ARL6IP6: variants seen among roughly 807,000 people sequenced by gnomAD.
The protein encoded by ARL6IP6 is ARF like GTPase 6 interacting protein 6.
ARL6IP6 carries 22 observed loss-of-function variants against 21.5 expected under a neutral mutation model. That is an observed-to-expected ratio of 1.02 (90% CI 0.73 to 1.46). The LOEUF is 1.46. ARL6IP6 is among the 40% of genes most tolerant of loss of function. The pLI is 0.00. For missense variants in ARL6IP6, 388 were observed against 299.8 expected (o/e 1.29, Z -2.17); for synonymous variants, 164 against 125.3 (o/e 1.31, Z -2.06).
chr2:152,739,605 C>T (rs1574045071), intron 3 of ARL6IP6, among the ~76,000 whole-genome samples: 1 of 152,192 alleles, frequency 6.6e-6, no homozygotes, highest in African/African-American at 2.4e-5. Context: ...TTCCTGTCTT[C>T]TTCTGCACCC....
upstream of ARL6IP6, chr2:152,718,366 G>A: frequency 2.4e-6 from 1 of 411,990 alleles, no homozygotes; most frequent in Non-Finnish European, 4.1e-6. Context: ...TTCGGCCTCC[G>A]CTCGCTTCTC....
intron 2 of ARL6IP6, among the ~76,000 whole-genome samples, chr2:152,724,910 A>C (rs909134624): frequency 1.3e-5 from 2 of 152,108 alleles, no homozygotes; most frequent in African/African-American, 4.8e-5. Context: ...AAAAAAAAGC[A>C]AAAAAACGAA....
chr2:152,756,515 T>C (rs1274578868), intron 3 of ARL6IP6, among the ~76,000 whole-genome samples: 1 of 152,038 alleles, frequency 6.6e-6, no homozygotes, highest in East Asian at 1.9e-4. Context: ...AAAGATCTTA[T>C]TAAGAGAGTA....
chr2:152,730,587 A>G (rs1574028797), intron 2 of ARL6IP6, among the ~76,000 whole-genome samples: 1 of 152,036 alleles, frequency 6.6e-6, no homozygotes, highest in South Asian at 2.1e-4. Context: ...AGGTTATTCT[A>G]AGGTTCTGTT....
chr2:152,722,193 G>A (rs12994825), intron 2 of ARL6IP6, among the ~76,000 whole-genome samples: 9,508 of 152,236 alleles, frequency 0.062, 406 homozygotes, highest in Middle Eastern at 0.17. Context: ...TTTCCACTTA[G>A]GGTTAAATAA....
intron 3 of ARL6IP6, among the ~76,000 whole-genome samples, chr2:152,751,402 A>G (rs900277806): frequency 1.3e-5 from 2 of 152,148 alleles, no homozygotes; most frequent in Non-Finnish European, 2.9e-5. Flanking sequence ...GTTACTGTTA[A>G]CCATATTTAC....
At chr2:152,728,048 A>G (rs975029831) in intron 2 of ARL6IP6, among the ~76,000 whole-genome samples, 1 of 152,224 alleles carries the variant, frequency 6.6e-6, no homozygotes, top group African/African-American at 2.4e-5. Flanking sequence ...ATAGTCATTT[A>G]AAATACATGT....
At chr2:152,734,705 G>C (rs1254246664) in intron 2 of ARL6IP6, among the ~76,000 whole-genome samples, 2 of 152,110 alleles carry the variant, frequency 1.3e-5, no homozygotes, top group African/African-American at 4.8e-5. Flanking sequence ...GTTTTCTGTA[G>C]TTGAATTTTA....
chr2:152,719,722 A>G (rs1407508072), intron 1 of ARL6IP6, among the ~76,000 whole-genome samples: 3 of 147,732 alleles, frequency 2.0e-5, no homozygotes, highest in Non-Finnish European at 4.5e-5. Context: ...TTCCATTCTC[A>G]CTAGTTTGTG....
chr2:152,751,838 G>C (rs1701347543), intron 3 of ARL6IP6, among the ~76,000 whole-genome samples: 1 of 152,078 alleles, frequency 6.6e-6, no homozygotes, highest in Non-Finnish European at 1.5e-5. Context: ...AGTAAACATG[G>C]GGTACACATA....
chr2:152,718,421 C>A (rs780339311), upstream of ARL6IP6: 32 of 644,440 alleles, frequency 5.0e-5, no homozygotes, highest in Non-Finnish European at 6.9e-5. Context: ...GCCCTGGGGT[C>A]GAGCTCTGGT....
chr2:152,729,685 T>C (rs926815482), intron 2 of ARL6IP6, among the ~76,000 whole-genome samples: 1 of 152,136 alleles, frequency 6.6e-6, no homozygotes, highest in African/African-American at 2.4e-5. Flanking sequence ...ATCTCACTTG[T>C]GGAAAATAAG....
intron 3 of ARL6IP6, among the ~76,000 whole-genome samples, chr2:152,751,471 C>T (rs1011122373): frequency 3.3e-5 from 5 of 152,222 alleles, no homozygotes; most frequent in South Asian, 2.1e-4. Flanking sequence ...ATTTTGTATC[C>T]GTTAACTAAC....
intron 3 of ARL6IP6, among the ~76,000 whole-genome samples, chr2:152,745,921 A>G (rs1265730818): frequency 6.6e-6 from 1 of 152,058 alleles, no homozygotes; most frequent in African/African-American, 2.4e-5. Context: ...AGATATAACA[A>G]AATCCTCTAG....
At chr2:152,755,219 C>T (rs1273464489) in intron 3 of ARL6IP6, among the ~76,000 whole-genome samples, 1 of 152,214 alleles carries the variant, frequency 6.6e-6, no homozygotes, top group African/African-American at 2.4e-5. Context: ...TCTGCGAAGA[C>T]ACGCGTTGCC....
chr2:152,734,879 A>G, intron 2 of ARL6IP6, 115 bp from the exon 3 acceptor site: 1 of 1,094,836 alleles, frequency 9.1e-7, no homozygotes, highest in Non-Finnish European at 1.3e-6. Context: ...AAAATATCAG[A>G]TCCATATAAT....
At chr2:152,746,450 A>T (rs1701051120) in intron 3 of ARL6IP6, among the ~76,000 whole-genome samples, 1 of 152,172 alleles carries the variant, frequency 6.6e-6, no homozygotes, top group African/African-American at 2.4e-5. Flanking sequence ...TTGTACTTGG[A>T]ACCCTTTTTG....
chr2:152,734,930 C>T, intron 2 of ARL6IP6, 64 bp from the exon 3 acceptor site: 1 of 1,484,318 alleles, frequency 6.7e-7, no homozygotes, highest in Non-Finnish European at 9.3e-7. Flanking sequence ...CATGAGAGTA[C>T]TGGTTTAATT....
rs969357378 is a variant in ARL6IP6, at chr2:152,761,752, G to A, written c.*1912G>A. Among the ~76,000 whole-genome samples the A allele has an allele frequency of 6.6e-6, 1 of 152,144 alleles. No individual in the cohort carries two copies. The highest frequency in any genetic ancestry group is 2.4e-5 in the African/African-American group (1 of 41,424). ...TGCAGTACAGGTTTATAGTCTAGGA[G>A]CAATAAGCTATACCATATAGCCTAG... On this transcript the variant is annotated 3_prime_UTR_variant, in exon 4 of 4. Transcript: ENST00000326446.
Sources: allele counts gnomAD v4.1 joint callset (sites outside exome capture counted in the v4.1 genomes callset), GRCh38; gene constraint gnomAD v4.1.1; transcripts MANE v1.5; gene names NCBI Gene and HGNC (gene_info 2026-07-23, HGNC 2026-07-21).